CADM2: variants seen among roughly 807,000 people sequenced by gnomAD.
CADM2 encodes the protein immunoglobulin superfamily member 4D.
A neutral mutation model predicts 49.8 loss-of-function variants in CADM2; 12 were observed. The ratio of observed to expected loss-of-function variants is 0.24; its 90% CI spans 0.15 to 0.39. The LOEUF (loss-of-function observed/expected upper bound fraction) is 0.39. Ranked by LOEUF, CADM2 falls within the 10% of genes least tolerant of loss-of-function variation. CADM2 has a pLI of 1.00. For synonymous variants in CADM2, 214 were observed against 175.4 expected, an observed-to-expected ratio of 1.22 and a Z score of -1.74; for missense variants, 378 against 492.3, an observed-to-expected ratio of 0.77 and a Z score of 2.20.
At chr3:85,348,406 T>C (rs1477898676) in intron 1 of CADM2, among the ~76,000 whole-genome samples, 1 of 152,234 alleles carries the variant, frequency 6.6e-6, no homozygotes, top group Non-Finnish European at 1.5e-5. Flanking sequence ...GTTTGACCAT[T>C]GACTAAATAT....
At chr3:84,978,703 G>GTTCA (rs2031981645) in intron 1 of CADM2, among the ~76,000 whole-genome samples, 1 of 152,134 alleles carries the variant, frequency 6.6e-6, no homozygotes, top group African/African-American at 2.4e-5. Flanking sequence ...ATTGCTAGGA[G>GTTCA]TTCAGCATGT....
intron 1 of CADM2, among the ~76,000 whole-genome samples, chr3:85,149,038 C>T (rs1384185723): frequency 6.6e-6 from 1 of 151,282 alleles, no homozygotes; most frequent in African/African-American, 2.4e-5. Context: ...CTTTATGAGT[C>T]CTTGTGATAA....
chr3:85,958,817 A>G (rs1229232640), intron 7 of CADM2, among the ~76,000 whole-genome samples: 1 of 151,918 alleles, frequency 6.6e-6, no homozygotes, highest in African/African-American at 2.4e-5. Flanking sequence ...CAAACACTTC[A>G]TGTTCTCACT....
At chr3:85,763,071 A>ATT (rs2069471457) in intron 2 of CADM2, among the ~76,000 whole-genome samples, 1 of 152,162 alleles carries the variant, frequency 6.6e-6, no homozygotes, top group Admixed American at 6.6e-5. Context: ...CTTCCTGATA[A>ATT]GACAATGAGT....
At chr3:85,456,476 A>T (rs2037994709) in intron 1 of CADM2, among the ~76,000 whole-genome samples, 1 of 152,184 alleles carries the variant, frequency 6.6e-6, no homozygotes, top group African/African-American at 2.4e-5. Context: ...ATTGAATGAT[A>T]TTCTGTGCAG....
chr3:85,435,203 T>C (rs2036868973), intron 1 of CADM2, among the ~76,000 whole-genome samples: 1 of 151,984 alleles, frequency 6.6e-6, no homozygotes, highest in South Asian at 2.1e-4. Context: ...CAGTGTGTGA[T>C]GTTCCTCTCC....
intron 1 of CADM2, among the ~76,000 whole-genome samples, chr3:85,127,735 C>A (rs115832373): frequency 0.012 from 1,763 of 152,130 alleles, 38 homozygotes; most frequent in African/African-American, 0.041. Context: ...CTTCTGTATA[C>A]CTTTAAGGAT....
intron 2 of CADM2, among the ~76,000 whole-genome samples, chr3:85,738,940 T>C (rs2068259631): frequency 6.6e-6 from 1 of 152,154 alleles, no homozygotes; most frequent in Non-Finnish European, 1.5e-5. Context: ...GTAGTTGTAA[T>C]ATACAGTTTA....
intron 1 of CADM2, among the ~76,000 whole-genome samples, chr3:85,000,083 G>A (rs1283289749): frequency 6.7e-6 from 1 of 150,344 alleles, no homozygotes; most frequent in Non-Finnish European, 1.5e-5. Flanking sequence ...TACTTTGGCT[G>A]TTTTAATATA....
chr3:85,741,643 G>C (rs1418698049), intron 2 of CADM2, among the ~76,000 whole-genome samples: 2 of 152,126 alleles, frequency 1.3e-5, no homozygotes, highest in Non-Finnish European at 2.9e-5. Flanking sequence ...ACTCCAGCCT[G>C]GGCGACAGGC....
At chr3:86,016,101 T>C (rs1732185327) in intron 8 of CADM2, among the ~76,000 whole-genome samples, 1 of 152,164 alleles carries the variant, frequency 6.6e-6, no homozygotes, top group African/African-American at 2.4e-5. Flanking sequence ...TTCTAGAAAT[T>C]TTACTATCAT....
chr3:85,841,693 C>T (rs2074645990), intron 3 of CADM2, among the ~76,000 whole-genome samples: 2 of 151,964 alleles, frequency 1.3e-5, no homozygotes, highest in African/African-American at 4.8e-5. Context: ...GTTCAAAAAA[C>T]ATATTTCTTT....
At chr3:85,504,632 G>T (rs1298177834) in intron 1 of CADM2, among the ~76,000 whole-genome samples, 1 of 152,212 alleles carries the variant, frequency 6.6e-6, no homozygotes, top group Non-Finnish European at 1.5e-5. Flanking sequence ...TACCTCACCG[G>T]GGCTGCAGGT....
intron 3 of CADM2, among the ~76,000 whole-genome samples, chr3:85,867,661 G>T (rs2075773447): frequency 2.0e-3 from 1 of 494 alleles, no homozygotes; most frequent in African/African-American, 6.6e-3. Flanking sequence ...TTTATCATAA[G>T]AACTTAAGCA....
chr3:85,206,747 A>G (rs2041652468), intron 1 of CADM2, among the ~76,000 whole-genome samples: 2 of 151,614 alleles, frequency 1.3e-5, no homozygotes, highest in African/African-American at 4.9e-5. Context: ...ATCTTAATCT[A>G]CTTTATATCT....
intron 1 of CADM2, among the ~76,000 whole-genome samples, chr3:85,233,617 T>A (rs1227446045): frequency 3.9e-5 from 6 of 152,166 alleles, no homozygotes; most frequent in Non-Finnish European, 7.4e-5. Context: ...GATGAAATAT[T>A]TTCATGGCTT....
intron 1 of CADM2, among the ~76,000 whole-genome samples, chr3:85,199,145 T>C (rs886530341): frequency 6.6e-6 from 1 of 152,032 alleles, no homozygotes; most frequent in African/African-American, 2.4e-5. Context: ...ACATTTGTTT[T>C]ACCTTATGAC....
intron 1 of CADM2, among the ~76,000 whole-genome samples, chr3:85,253,876 T>C (rs1487076442): frequency 6.6e-6 from 1 of 152,092 alleles, no homozygotes; most frequent in Non-Finnish European, 1.5e-5. Flanking sequence ...AAAGTGTTTT[T>C]TCCTATTTTT....
rs140120891 is a variant in CADM2 at position 86,070,246 on chromosome 3, A to G, written c.*3463A>G. Reference sequence around the variant, plus strand: ...TTTATTTCTTTGTAAAAATATAAATATCTCAATCAAAAGTACAGGCTCATT... The same window carrying G: ...TTTATTTCTTTGTAAAAATATAAATGTCTCAATCAAAAGTACAGGCTCATT... On this transcript the variant is annotated 3_prime_UTR_variant, in exon 10 of 10. Transcript: ENST00000383699. The G allele has an allele frequency of 1.2e-4, 18 of 152,112 alleles. No individual in the cohort carries two copies. In the East Asian group the frequency reaches 3.5e-3, roughly 29 times the overall value. The allele number at this position is 152,112 out of a possible 1,614,324, so 9.4% of individuals were successfully genotyped here.
Sources: gnomAD v4.1 joint callset for allele counts (sites outside exome capture counted in the v4.1 genomes callset) on GRCh38, gnomAD v4.1.1 for gene constraint, MANE v1.5 for transcripts, NCBI Gene and HGNC (gene_info 2026-07-23, HGNC 2026-07-21) for gene names.